The following TBC1D8 variants were observed in gnomAD, a reference collection of about 807,000 sequenced individuals.
TBC1D8 encodes TBC1 domain family member 8, also known as BUB2-like protein 1.
Under a neutral mutation model 118.8 loss-of-function variants are expected in TBC1D8, and 65 were observed. The observed-to-expected ratio is 0.55, with a 90% confidence interval of 0.45 to 0.67. The LOEUF (loss-of-function observed/expected upper bound fraction) is 0.67, where lower values mean the gene tolerates loss of function less well. Ranked by LOEUF, TBC1D8 falls within the 30% of genes least tolerant of loss-of-function variation. The probability of loss-of-function intolerance (pLI) is 0.00; values close to 1 mark genes in which losing one functional copy is unlikely to be tolerated. For missense variants in TBC1D8, 1,376 were observed against 1,471.2 expected, an observed-to-expected ratio of 0.94 and a Z score of 1.06; for synonymous variants, 566 against 595.8, an observed-to-expected ratio of 0.95 and a Z score of 0.73.
intron 1 of TBC1D8, among the ~76,000 whole-genome samples, chr2:101,101,272 C>T (rs1195120704): frequency 1.3e-5 from 2 of 152,074 alleles, no homozygotes; most frequent in Non-Finnish European, 2.9e-5. Flanking sequence ...AAGATATTTA[C>T]GCAGCCAACA....
intron 2 of TBC1D8, among the ~76,000 whole-genome samples, chr2:101,062,163 C>T (rs767332388): frequency 6.6e-6 from 1 of 152,226 alleles, no homozygotes; most frequent in Non-Finnish European, 1.5e-5. Context: ...ATCACTAAGT[C>T]GGGTTCCACC....
At chr2:101,080,432 ACCCTGGAACATTTCCT>A (rs1675186434) in intron 2 of TBC1D8, among the ~76,000 whole-genome samples, 1 of 152,148 alleles carries the variant, frequency 6.6e-6, no homozygotes, top group Non-Finnish European at 1.5e-5. Flanking sequence ...AATCTGATCC[ACCCTGGAACATTTCCT>A]CCCTCAATAA....
Position 101,017,890 on chromosome 2 carries a change from T to C in TBC1D8, c.2827+3791A>G, listed in dbSNP as rs943644266. ...AAAACGATGATCTCTTCAAAACAGA[T>C]TGTCACCATCAGTGAGAAACCGAAC... On this transcript the variant is annotated intron_variant, in intron 17 of 19. Transcript: ENST00000409318. The C allele has an allele frequency of 5.8e-6, 9 of 1,550,842 alleles. No homozygotes were observed. The African/African-American group carries it at 6.8e-5, about 12-fold the overall frequency.
intron 2 of TBC1D8, among the ~76,000 whole-genome samples, chr2:101,075,363 C>T (rs1234438800): frequency 1.4e-5 from 2 of 144,578 alleles, no homozygotes; most frequent in African/African-American, 5.2e-5. Flanking sequence ...TGCACTCCAG[C>T]CTAGGCGACA....
intron 2 of TBC1D8, among the ~76,000 whole-genome samples, chr2:101,065,302 C>G (rs1682957967): frequency 6.6e-6 from 1 of 152,208 alleles, no homozygotes; most frequent in African/African-American, 2.4e-5. Context: ...TCTCTACAGG[C>G]CAAACACTAA....
intron 1 of TBC1D8, among the ~76,000 whole-genome samples, chr2:101,101,713 A>T (rs796065): frequency 0.11 from 16,938 of 152,232 alleles, 1,179 homozygotes; most frequent in South Asian, 0.2. Context: ...AATACTATGC[A>T]GCCATAAAAA....
chr2:101,051,843 ATT>A (rs1184338003), intron 4 of TBC1D8, among the ~76,000 whole-genome samples: 2 of 152,220 alleles, frequency 1.3e-5, no homozygotes, highest in African/African-American at 4.8e-5. Context: ...AAAAGGAAAC[ATT>A]TATATGCTGC....
At position 101,054,177 on chromosome 2, in the gene TBC1D8, G is replaced by A. The variant is rs1339558500; in HGVS notation, c.562C>T (p.Pro188Ser). The change falls in exon 4 of 20, where the codon CCC becomes TCC. Residue 188 changes from proline (P) to serine (S), a missense_variant. By Grantham distance (74) the Pro-to-Ser change is moderately conservative. Coordinates refer to ENST00000409318, the MANE Select transcript of TBC1D8 (RefSeq NM_001330348.2). ...YSCCCWKGRV[P>S]RQGWLYLSIN... ...CTGAGGTACAGCCAGCCCTGGCGGGGCACCCTGCCCTTCCAACAGCAGCAG... is the reference window on the plus strand; with the variant it reads ...CTGAGGTACAGCCAGCCCTGGCGGGACACCCTGCCCTTCCAACAGCAGCAG... The A allele has an allele frequency of 6.2e-7, 1 of 1,613,396 alleles. No homozygotes were observed. The highest frequency in any genetic ancestry group is 8.5e-7 in the Non-Finnish European group (1 of 1,179,738).
In TBC1D8 at chr2:101,007,840, A is replaced by C. The variant is rs763442121; in HGVS notation, c.3449T>G (p.Leu1150Arg). The change falls in exon 20 of 20, where the codon CTT (leucine) becomes CGT (arginine). Residue 1150 changes from leucine (L) to arginine (R), a missense_variant. Coordinates refer to ENST00000409318, the MANE Select transcript of TBC1D8 (RefSeq NM_001330348.2). The stretch of plus-strand genomic sequence containing the variant: ...GTCTTGCTACAAGTTACTCAGCTTA[A>C]GTTCAGATTGTGATTGGTGGCTCAT... ...FEMSHQSQSE[L>R]KLSNL 17 of 1,613,556 alleles carry C rather than the reference A, an allele frequency of 1.1e-5. No homozygotes were observed. The East Asian group carries it at 3.8e-4, about 36-fold the overall frequency.
At chr2:101,141,307 A>G (rs1440998213) in intron 1 of TBC1D8, among the ~76,000 whole-genome samples, 2 of 152,230 alleles carry the variant, frequency 1.3e-5, no homozygotes, top group African/African-American at 2.4e-5. Flanking sequence ...TGGAGTTAAC[A>G]ACTATCCCAG....
intron 5 of TBC1D8, among the ~76,000 whole-genome samples, chr2:101,048,830 C>A (rs1681871689): frequency 6.6e-6 from 1 of 151,938 alleles, no homozygotes; most frequent in South Asian, 2.1e-4. Context: ...GTATGGCAGA[C>A]TAAATCTCAG....
chr2:101,016,579 C>T (rs552396388), intron 17 of TBC1D8, among the ~76,000 whole-genome samples: 3,745 of 151,716 alleles, frequency 0.025, 59 homozygotes, highest in Non-Finnish European at 0.04. Flanking sequence ...ACTGGGTATA[C>T]ACCCAAAGGA....
intron 2 of TBC1D8, among the ~76,000 whole-genome samples, chr2:101,086,653 C>T (rs911105349): frequency 2.0e-5 from 3 of 152,070 alleles, no homozygotes; most frequent in Non-Finnish European, 4.4e-5. Flanking sequence ...CAGCCACCAA[C>T]CTCTAGACAA....
intron 1 of TBC1D8, among the ~76,000 whole-genome samples, chr2:101,113,676 G>A (rs987744719): frequency 6.6e-6 from 1 of 152,160 alleles, no homozygotes; most frequent in African/African-American, 2.4e-5. Flanking sequence ...GAGTTTGGAG[G>A]CACTCCTGGA....
chr2:101,076,939 C>G (rs1674870499), intron 2 of TBC1D8, among the ~76,000 whole-genome samples: 1 of 152,158 alleles, frequency 6.6e-6, no homozygotes, highest in Non-Finnish European at 1.5e-5. Context: ...CAGGAAGCTT[C>G]CAATCATGCT....
intron 2 of TBC1D8, among the ~76,000 whole-genome samples, chr2:101,082,906 A>G (rs1675361596): frequency 6.6e-6 from 1 of 152,236 alleles, no homozygotes. Flanking sequence ...CTGTACACTT[A>G]AAAATGGTTA....
chr2:101,028,120 C>A lies in TBC1D8; in HGVS notation c.2379G>T (p.Gln793His). 1 of 1,613,946 alleles carries A rather than the reference C, an allele frequency of 6.2e-7. No individual in the cohort carries two copies. The highest frequency in any genetic ancestry group is 8.5e-7 in the Non-Finnish European group (1 of 1,179,894). ...YEKFGDQSVEQIEHLRYKHRI... is the reference protein window; with the variant it reads ...YEKFGDQSVEHIEHLRYKHRI... ...TGTGCTTGTAACGTAGGTGCTCGAT[C>A]TGCTCCACAGACTGGTCTCCAAATT... Residue 793 changes from glutamine to histidine, a missense_variant, in exon 14 of 20, where the codon CAG (glutamine) becomes CAT (histidine). By Grantham distance (24) the Gln-to-His change is conservative. Coordinates refer to ENST00000409318, the MANE Select transcript of TBC1D8 (RefSeq NM_001330348.2).
At chr2:101,096,796 G>GGAGACA (rs1676480107) in intron 1 of TBC1D8, among the ~76,000 whole-genome samples, 1 of 146,502 alleles carries the variant, frequency 6.8e-6, no homozygotes, top group South Asian at 2.2e-4. Context: ...AGAGAGAGGG[G>GGAGACA]GAGAGAGAGA....
In TBC1D8 at chr2:101,040,508, C is replaced by T. The variant is rs1681317887; in HGVS notation, c.873-123G>A. 1.5e-5 allele frequency: 15 copies of T among 1,021,456 alleles called. No individual in the cohort carries two copies. The South Asian group carries it at 1.9e-4, about 13-fold the overall frequency. 63.3% of individuals were successfully genotyped at this position (1,021,456 alleles called of 1,614,324 possible). On this transcript the variant is annotated intron_variant, in intron 5 of 19. Coordinates refer to ENST00000409318, the MANE Select transcript of TBC1D8 (RefSeq NM_001330348.2). ...TTTTTGAGACAGAGTCTCGCTCTGT[C>T]GCCCAGGATGGAGTGCAGTGGTGCG...
Sources: allele counts gnomAD v4.1 joint callset (sites outside exome capture counted in the v4.1 genomes callset), GRCh38; gene constraint gnomAD v4.1.1; transcripts MANE v1.5; gene names NCBI Gene and HGNC (gene_info 2026-07-23, HGNC 2026-07-21).